Variants in CCDC175 observed in about 807,000 individuals in gnomAD.
CCDC175 encodes the protein coiled-coil domain containing 175, also known as coiled-coil domain-containing protein 175.
Under a neutral mutation model 114.6 loss-of-function variants are expected in CCDC175, and 100 were observed. That is an observed-to-expected ratio of 0.87 (90% CI 0.74 to 1.03). CCDC175 has a LOEUF of 1.03. Among genes scored for constraint, CCDC175 ranks in the 50% least tolerant of loss-of-function variants. The probability of loss-of-function intolerance (pLI) is 0.00; values close to 1 mark genes in which losing one functional copy is unlikely to be tolerated. For missense variants in CCDC175, 880 were observed against 917.8 expected (o/e 0.96, Z 0.53); for synonymous variants, 306 against 308.7 (o/e 0.99, Z 0.09).
intron 7 of CCDC175, among the ~76,000 whole-genome samples, chr14:59,560,056 T>C (rs1011305168): frequency 2.6e-5 from 4 of 152,156 alleles, no homozygotes; most frequent in African/African-American, 7.2e-5. Flanking sequence ...ACTAATACTA[T>C]TGAATCACAA....
chr14:59,572,751 T>G lies in CCDC175; in HGVS notation c.306A>C (p.Leu102=). The change falls in exon 3 of 20, where the codon CTA becomes CTC. Residue 102 remains leucine, a synonymous_variant. Transcript: ENST00000537690. The part of the protein sequence containing the change: ...LEIESMELNK[L]YYLLETLPNS... ...TGGGAAGAGTTTCCAATAGATAGTATAGTTTGTTGAGTTCCATGCTTTCAA... is the reference window on the plus strand; with the variant it reads ...TGGGAAGAGTTTCCAATAGATAGTAGAGTTTGTTGAGTTCCATGCTTTCAA... The G allele has an allele frequency of 4.6e-6, 7 of 1,521,092 alleles. No homozygotes were observed. Among genetic ancestry groups the G allele is most frequent in the Non-Finnish European group, 6.1e-6 (7 of 1,143,094 alleles). 94.2% of individuals were successfully genotyped at this position (1,521,092 alleles called of 1,614,324 possible).
chr14:59,574,420 G>C (rs999863114), intron 2 of CCDC175, among the ~76,000 whole-genome samples: 4 of 152,298 alleles, frequency 2.6e-5, no homozygotes, highest in Admixed American at 2.6e-4. Context: ...ACATGTCTTT[G>C]ATAGGGGCCA....
intron 13 of CCDC175, among the ~76,000 whole-genome samples, chr14:59,537,074 C>T (rs1276579109): frequency 6.6e-6 from 1 of 152,192 alleles, no homozygotes; most frequent in Non-Finnish European, 1.5e-5. Context: ...AGCCACTGCA[C>T]CTGGCCTGAT....
intron 7 of CCDC175, 35 bp from the exon 8 acceptor site, chr14:59,551,471 G>A: frequency 1.8e-6 from 2 of 1,142,222 alleles, no homozygotes; most frequent in South Asian, 1.6e-5. Flanking sequence ...ATTCATATAA[G>A]AACATACTTT....
rs772434484 is a variant in CCDC175 at position 59,510,786 on chromosome 14, T to A, written c.2165A>T (p.Glu722Val). 1 of 1,537,190 alleles carries A rather than the reference T, an allele frequency of 6.5e-7. No homozygotes were observed. Among genetic ancestry groups the A allele is most frequent in the African/African-American group, 1.4e-5 (1 of 73,050 alleles). Reference sequence around the variant, plus strand: ...TAGATTGTTTATGTCTTGCAAGGTCTCTTCACCATTGTCCACCAAGATCTA... The same window carrying A: ...TAGATTGTTTATGTCTTGCAAGGTCACTTCACCATTGTCCACCAAGATCTA... The part of the protein sequence containing the change: ...TVKILVDNGE[E>V]TLQDINNLTD... Residue 722 changes from glutamate (E) to valine (V), a missense_variant, in exon 19 of 20, where the codon GAG becomes GTG. Glu to Val is a moderately radical substitution (Grantham distance 121). Coordinates refer to ENST00000537690, the MANE Select transcript of CCDC175 (RefSeq NM_001164399.2).
chr14:59,559,623 C>G (rs921583786), intron 7 of CCDC175, among the ~76,000 whole-genome samples: 17 of 152,106 alleles, frequency 1.1e-4, no homozygotes, highest in African/African-American at 4.1e-4. Context: ...TTCAAATCCA[C>G]CAAGCGGGAA....
Position 59,572,699 on chromosome 14 carries a change from T to C in CCDC175, c.355+3A>G. On this transcript the variant is annotated splice_donor_region_variant and intron_variant, in intron 3 of 19. Coordinates refer to ENST00000537690, the MANE Select transcript of CCDC175 (RefSeq NM_001164399.2). ...TTTCTAGAGTTGATAACCTCAAAAG[T>C]ACCTTCCAATTCCCTCTTAATGCTA... 2 of 1,448,436 alleles carry C rather than the reference T, an allele frequency of 1.4e-6. No individual in the cohort carries two copies. Among genetic ancestry groups the C allele is most frequent in the South Asian group, 2.7e-5 (2 of 74,292 alleles). 89.7% of individuals were successfully genotyped at this position (1,448,436 alleles called of 1,614,324 possible). A position where few individuals can be genotyped will look rare whatever the true frequency, so the allele number is the denominator to read the frequency against.
In CCDC175 at chr14:59,574,067, C is replaced by T. The variant is rs189692348; in HGVS notation, c.243+876G>A. 5.3e-5 allele frequency among the ~76,000 whole-genome samples: 8 copies of T among 152,252 alleles called. No individual in the cohort carries two copies. In the East Asian group the frequency reaches 1.3e-3, roughly 26 times the overall value. On this transcript the variant is annotated intron_variant, in intron 2 of 19. Coordinates refer to ENST00000537690, the MANE Select transcript of CCDC175 (RefSeq NM_001164399.2). ...AGCAGGGAAAAATGTTTTCACAGCA[C>T]CACAGAGCTGCACAACACACATGAT...
chr14:59,545,547 T>C (rs906959376), intron 8 of CCDC175, among the ~76,000 whole-genome samples: 13 of 152,186 alleles, frequency 8.5e-5, no homozygotes, highest in African/African-American at 3.1e-4. Flanking sequence ...ATAATCCATA[T>C]TGAAATGCAA....
intron 8 of CCDC175, among the ~76,000 whole-genome samples, chr14:59,546,830 C>CTA: frequency 6.6e-6 from 1 of 151,992 alleles, no homozygotes. Flanking sequence ...GAGTGAGATC[C>CTA]TGTCTCAAAA....
At chr14:59,565,933 T>C (rs908911259) in intron 4 of CCDC175, among the ~76,000 whole-genome samples, 2 of 152,118 alleles carry the variant, frequency 1.3e-5, no homozygotes, top group Non-Finnish European at 2.9e-5. Flanking sequence ...TTGATATGTA[T>C]TGTCATCATG....
At chr14:59,537,314 A>G (rs964658701) in intron 13 of CCDC175, among the ~76,000 whole-genome samples, 2 of 152,124 alleles carry the variant, frequency 1.3e-5, no homozygotes, top group Admixed American at 6.6e-5. Flanking sequence ...GGGGAAGACA[A>G]CTTGGATCAG....
chr14:59,552,502 A>C (rs1427744489), intron 7 of CCDC175, among the ~76,000 whole-genome samples: 1 of 152,216 alleles, frequency 6.6e-6, no homozygotes, highest in East Asian at 1.9e-4. Flanking sequence ...GGTAGATAAA[A>C]CCACAAAGAT....
At chr14:59,575,109 C>T (rs1897036494) in intron 1 of CCDC175, 81 bp from the exon 2 acceptor site, 1 of 690,730 alleles carries the variant, frequency 1.4e-6, no homozygotes, top group Admixed American at 3.1e-5. Context: ...AGCTCAAATG[C>T]TTACTCGGCT....
intron 17 of CCDC175, among the ~76,000 whole-genome samples, chr14:59,516,001 G>C (rs1893058304): frequency 6.6e-6 from 1 of 152,172 alleles, no homozygotes; most frequent in Non-Finnish European, 1.5e-5. Flanking sequence ...CTAGAACTCA[G>C]GATTAAGAAA....
At chr14:59,515,747 A>T (rs1191873665) in intron 17 of CCDC175, among the ~76,000 whole-genome samples, 1 of 152,214 alleles carries the variant, frequency 6.6e-6, no homozygotes, top group East Asian at 1.9e-4. Flanking sequence ...TGTCAACATT[A>T]GACAGATCAA....
chr14:59,506,291 CT>C (rs1383190546), intron 19 of CCDC175, among the ~76,000 whole-genome samples: 97 of 109,554 alleles, frequency 8.9e-4, no homozygotes, highest in Admixed American at 1.0e-3. Context: ...TTTTTTTTTT[CT>C]TTTTTTTTTT....
chr14:59,541,616 A>G (rs576815348), intron 10 of CCDC175, among the ~76,000 whole-genome samples: 1 of 152,354 alleles, frequency 6.6e-6, no homozygotes, highest in South Asian at 2.1e-4. Context: ...TAAATCTAAT[A>G]TCCTCCTCTG....
At chr14:59,517,456 G>A (rs372277823) in intron 17 of CCDC175, among the ~76,000 whole-genome samples, 2 of 152,084 alleles carry the variant, frequency 1.3e-5, no homozygotes, top group Non-Finnish European at 2.9e-5. Flanking sequence ...TAAGCTGATA[G>A]GCAACTTCAG....
Sources: allele counts gnomAD v4.1 joint callset (sites outside exome capture counted in the v4.1 genomes callset), GRCh38; gene constraint gnomAD v4.1.1; transcripts MANE v1.5; gene names NCBI Gene and HGNC (gene_info 2026-07-23, HGNC 2026-07-21).